PTPRK: variants seen among roughly 807,000 people sequenced by gnomAD.
PTPRK encodes protein tyrosine phosphatase receptor type K, also known as receptor-type tyrosine-protein phosphatase kappa.
A neutral mutation model predicts 178.0 loss-of-function variants in PTPRK; 75 were observed. That is an observed-to-expected ratio of 0.42 (90% CI 0.35 to 0.51). The LOEUF is 0.51. PTPRK is among the 20% of genes least tolerant of loss of function. The pLI is 0.02. For missense variants in PTPRK, 1,441 were observed against 1,797.8 expected (o/e 0.80, Z 3.59); for synonymous variants, 637 against 620.6 (o/e 1.03, Z -0.39).
At chr6:128,250,667 C>T (rs1202082477) in intron 3 of PTPRK, among the ~76,000 whole-genome samples, 1 of 152,088 alleles carries the variant, frequency 6.6e-6, no homozygotes, top group South Asian at 2.1e-4. Flanking sequence ...AAACATAAAC[C>T]TCCCCTGAAC....
intron 7 of PTPRK, among the ~76,000 whole-genome samples, chr6:128,126,589 C>T (rs1793414946): frequency 6.6e-6 from 1 of 152,040 alleles, no homozygotes; most frequent in South Asian, 2.1e-4. Context: ...CGGGTGCAAG[C>T]GATCTTCCCA....
At chr6:128,052,690 C>T in intron 13 of PTPRK, among the ~76,000 whole-genome samples, 1 of 152,192 alleles carries the variant, frequency 6.6e-6, no homozygotes, top group East Asian at 1.9e-4. Flanking sequence ...CTAGGCTCTT[C>T]CAATGTGAGG....
At chr6:128,439,146 T>G (rs1168396836) in intron 1 of PTPRK, among the ~76,000 whole-genome samples, 5 of 152,192 alleles carry the variant, frequency 3.3e-5, no homozygotes, top group Non-Finnish European at 5.9e-5. Flanking sequence ...CTTTATTAGA[T>G]GGGAATCAAA....
At position 128,184,709 on chromosome 6, in the gene PTPRK, A is replaced by C; in HGVS notation, c.885T>G (p.Ile295Met). The change falls in exon 7 of 30, where the codon ATT (isoleucine) becomes ATG (methionine). Residue 295 changes from isoleucine (I) to methionine (M), a missense_variant. Ile to Met is a conservative substitution (Grantham distance 10). Around this residue, in one of 4 missense-constraint regions of PTPRK, gnomAD observed 945 missense variants for 1,080.6 expected, o/e 0.87. Coordinates refer to ENST00000368226, the MANE Select transcript of PTPRK (RefSeq NM_002844.4). ...CAACACCAAGAAGCTGAGGAGGAGC[A>C]ATGGGTCTTGGCGGTTCTAGGAGAG... ...QLIVREPPRP[I>M]APPQLLGVGP... 1 of 1,613,886 alleles carries C rather than the reference A, an allele frequency of 6.2e-7. No homozygotes were observed.
At chr6:128,518,304 G>A (rs995929824) in intron 1 of PTPRK, among the ~76,000 whole-genome samples, 16 of 152,156 alleles carry the variant, frequency 1.1e-4, no homozygotes, top group Non-Finnish European at 2.1e-4. Context: ...AGATATCTAA[G>A]AACACAATTG....
At chr6:128,422,038 CAG>C (rs1428213138) in intron 1 of PTPRK, among the ~76,000 whole-genome samples, 2 of 152,218 alleles carry the variant, frequency 1.3e-5, no homozygotes, top group African/African-American at 4.8e-5. Context: ...TGTATTTCTT[CAG>C]GGAGATCCCT....
chr6:128,302,384 T>C (rs1825759444), intron 3 of PTPRK, among the ~76,000 whole-genome samples: 1 of 77,906 alleles, frequency 1.3e-5, no homozygotes, highest in African/African-American at 5.1e-5. Flanking sequence ...AGAGGAAGAC[T>C]CAATTCCAAA....
intron 1 of PTPRK, 25 bp downstream of exon 1, chr6:128,520,234 T>A (rs1346717651): frequency 6.4e-7 from 1 of 1,558,890 alleles, no homozygotes; most frequent in African/African-American, 1.4e-5. Context: ...CAGGCGTTCG[T>A]CGGGGACGCC....
chr6:128,433,378 T>C (rs924030390), intron 1 of PTPRK, among the ~76,000 whole-genome samples: 2 of 152,182 alleles, frequency 1.3e-5, no homozygotes, highest in African/African-American at 2.4e-5. Flanking sequence ...ACATGTGATA[T>C]TGTCTTTCTG....
chr6:128,112,620 C>G (rs779666936), intron 7 of PTPRK, among the ~76,000 whole-genome samples: 4 of 152,214 alleles, frequency 2.6e-5, no homozygotes, highest in Non-Finnish European at 5.9e-5. Flanking sequence ...GACAGGTTGT[C>G]TGGGCTGGCA....
intron 1 of PTPRK, among the ~76,000 whole-genome samples, chr6:128,463,512 G>T (rs994420361): frequency 6.6e-6 from 1 of 151,956 alleles, no homozygotes; most frequent in African/African-American, 2.4e-5. Context: ...TCTATCCAAC[G>T]TTTACCAACC....
intron 7 of PTPRK, among the ~76,000 whole-genome samples, chr6:128,182,513 G>T (rs185280209): frequency 1.1e-4 from 17 of 152,234 alleles, no homozygotes; most frequent in African/African-American, 3.6e-4. Context: ...GGCAGAGGTT[G>T]CAGTGAGCCA....
chr6:128,291,295 A>G (rs1048578097), intron 3 of PTPRK, among the ~76,000 whole-genome samples: 1 of 152,166 alleles, frequency 6.6e-6, no homozygotes, highest in Non-Finnish European at 1.5e-5. Flanking sequence ...TTCTGAGGCT[A>G]CAAAAGCCAA....
At chr6:127,994,751 G>A (rs948338523) in intron 18 of PTPRK, among the ~76,000 whole-genome samples, 8 of 151,648 alleles carry the variant, frequency 5.3e-5, no homozygotes, top group African/African-American at 9.7e-5. Flanking sequence ...TCTGTGATTC[G>A]ATATATATGT....
At chr6:128,267,879 G>A (rs1819201609) in intron 3 of PTPRK, among the ~76,000 whole-genome samples, 1 of 152,052 alleles carries the variant, frequency 6.6e-6, no homozygotes, top group African/African-American at 2.4e-5. Context: ...ATTGGGAAAG[G>A]CGTGAGCAAA....
At chr6:128,023,706 T>A (rs942368981) in intron 13 of PTPRK, among the ~76,000 whole-genome samples, 10 of 152,172 alleles carry the variant, frequency 6.6e-5, no homozygotes, top group African/African-American at 2.4e-4. Flanking sequence ...AGGGCTAGAG[T>A]GCAATGGAGC....
At chr6:128,363,564 C>T (rs1835063770) in intron 2 of PTPRK, among the ~76,000 whole-genome samples, 2 of 152,066 alleles carry the variant, frequency 1.3e-5, no homozygotes, top group South Asian at 4.1e-4. Flanking sequence ...TACCTGCCTC[C>T]ATTCCTATTG....
At chr6:128,453,390 T>G (rs965210140) in intron 1 of PTPRK, among the ~76,000 whole-genome samples, 7 of 152,186 alleles carry the variant, frequency 4.6e-5, no homozygotes, top group Non-Finnish European at 7.3e-5. Flanking sequence ...TAGATAAATT[T>G]TAGCTTCTGT....
At chr6:128,276,297 A>T (rs1232611891) in intron 3 of PTPRK, among the ~76,000 whole-genome samples, 1 of 152,104 alleles carries the variant, frequency 6.6e-6, no homozygotes, top group Non-Finnish European at 1.5e-5. Flanking sequence ...ATTGTCTTTG[A>T]CCACAGAACA....
Sources: allele counts gnomAD v4.1 joint callset (sites outside exome capture counted in the v4.1 genomes callset), GRCh38; gene constraint gnomAD v4.1.1; regional missense constraint gnomAD v4.1.1; transcripts MANE v1.5; gene names NCBI Gene and HGNC (gene_info 2026-07-23, HGNC 2026-07-21).